The following FOXP2 variants were observed in gnomAD, a reference collection of about 807,000 sequenced individuals.
FOXP2 encodes forkhead box P2, also known as forkhead box protein P2.
A neutral mutation model predicts 115.8 loss-of-function variants in FOXP2; 12 were observed. The ratio of observed to expected loss-of-function variants is 0.10; its 90% CI spans 0.07 to 0.17. The LOEUF is 0.17. Among genes scored for constraint, FOXP2 ranks in the 10% least tolerant of loss-of-function variants. FOXP2 has a pLI of 1.00. For synonymous variants in FOXP2, 328 were observed against 297.7 expected (o/e 1.10, Z -1.05); for missense variants, 629 against 843.5 (o/e 0.75, Z 3.15).
intron 3 of FOXP2, among the ~76,000 whole-genome samples, chr7:114,620,287 G>A (rs1804177861): frequency 6.6e-6 from 1 of 152,034 alleles, no homozygotes; most frequent in Non-Finnish European, 1.5e-5. Flanking sequence ...GACAGAAGAT[G>A]CATGGAAGCA....
intron 2 of FOXP2, among the ~76,000 whole-genome samples, chr7:114,513,373 G>C (rs950199097): frequency 6.6e-6 from 1 of 152,150 alleles, no homozygotes; most frequent in East Asian, 1.9e-4. Context: ...TAATTAGTAA[G>C]GGTATCAAAA....
intron 2 of FOXP2, among the ~76,000 whole-genome samples, chr7:114,530,053 G>A (rs1270993979): frequency 1.4e-4 from 21 of 151,820 alleles, no homozygotes; most frequent in Admixed American, 1.4e-3. Context: ...AAAAATCTGG[G>A]TGTCCTGCTG....
chr7:114,281,388 A>C (rs1195823676), intron 1 of FOXP2, among the ~76,000 whole-genome samples: 1 of 152,048 alleles, frequency 6.6e-6, no homozygotes, highest in Non-Finnish European at 1.5e-5. Flanking sequence ...GGCATGAGCC[A>C]CCGTGCCTGG....
At chr7:114,249,227 T>C (rs901620933) in intron 1 of FOXP2, among the ~76,000 whole-genome samples, 1 of 152,156 alleles carries the variant, frequency 6.6e-6, no homozygotes, top group Non-Finnish European at 1.5e-5. Context: ...TTATTTTAAG[T>C]TCTGAGGTAC....
At chr7:114,365,230 A>T (rs547788419) in intron 2 of FOXP2, among the ~76,000 whole-genome samples, 6 of 152,138 alleles carry the variant, frequency 3.9e-5, no homozygotes, top group Non-Finnish European at 7.4e-5. Flanking sequence ...ATTTTGTAAG[A>T]GGTGACCTTA....
intron 1 of FOXP2, among the ~76,000 whole-genome samples, chr7:114,180,160 T>G (rs1283235997): frequency 6.6e-6 from 1 of 152,002 alleles, no homozygotes; most frequent in East Asian, 1.9e-4. Context: ...TAGACTGCTA[T>G]GCTTAACCAG....
chr7:114,662,219 C>T, intron 14 of FOXP2, 33 bp downstream of exon 14: 1 of 1,610,760 alleles, frequency 6.2e-7, no homozygotes, highest in Non-Finnish European at 8.5e-7. Flanking sequence ...ATCCTGTATC[C>T]TGCATCCACC....
chr7:114,225,237 A>G (rs10226428), intron 1 of FOXP2, among the ~76,000 whole-genome samples: 38 of 152,084 alleles, frequency 2.5e-4, no homozygotes, highest in African/African-American at 8.5e-4. Context: ...GTGATTGGAA[A>G]GGTGAGTTCC....
chr7:114,451,650 A>G (rs1344383281), intron 2 of FOXP2, among the ~76,000 whole-genome samples: 7 of 152,070 alleles, frequency 4.6e-5, no homozygotes, highest in Non-Finnish European at 1.0e-4. Context: ...CTTACAACTC[A>G]GTGATGGAGA....
At chr7:114,463,666 T>C (rs1584767556) in intron 2 of FOXP2, among the ~76,000 whole-genome samples, 1 of 152,332 alleles carries the variant, frequency 6.6e-6, no homozygotes, top group East Asian at 1.9e-4. Context: ...ACAATTAAAA[T>C]GCAAATCAAC....
At chr7:114,358,348 A>G (rs1210277628) in intron 2 of FOXP2, among the ~76,000 whole-genome samples, 1 of 152,180 alleles carries the variant, frequency 6.6e-6, no homozygotes, top group East Asian at 1.9e-4. Flanking sequence ...TCATAGCATT[A>G]TGAAAATGAA....
intron 3 of FOXP2, among the ~76,000 whole-genome samples, chr7:114,592,413 AT>A (rs1052838644): frequency 6.6e-6 from 1 of 151,784 alleles, no homozygotes; most frequent in African/African-American, 2.4e-5. Flanking sequence ...ATGAGCATAT[AT>A]TTTTTTTATT....
Position 114,148,725 on chromosome 7 carries a change from A to C in FOXP2, c.-246-14219A>C, listed in dbSNP as rs1322858937. Among the ~76,000 whole-genome samples, 5 of 152,330 alleles carry C rather than the reference A, an allele frequency of 3.3e-5. No individual in the cohort carries two copies. In the East Asian group the frequency reaches 9.6e-4, roughly 29 times the overall value. ...CATGGCTATCAATCACATATAATGA[A>C]GCCAGAAAACCTGGAAGTCATTTTC... is the stretch of plus-strand genomic sequence containing the variant. On this transcript the variant is annotated intron_variant, in intron 1 of 19. Transcript: ENST00000635638.
chr7:114,667,018 TG>T (rs1807198033), intron 16 of FOXP2: 1 of 152,194 alleles, frequency 6.6e-6, no homozygotes, highest in East Asian at 1.9e-4. Context: ...AAAATATTTT[TG>T]TATTTTGCAT....
chr7:114,662,267 G>A (rs879040290), intron 14 of FOXP2, 81 bp downstream of exon 14: 2 of 1,582,274 alleles, frequency 1.3e-6, no homozygotes, highest in East Asian at 2.3e-5. Flanking sequence ...CTGGGGTGGG[G>A]AGACAGTTAG....
At chr7:114,364,190 C>T (rs1285932957) in intron 2 of FOXP2, among the ~76,000 whole-genome samples, 2 of 152,108 alleles carry the variant, frequency 1.3e-5, no homozygotes, top group African/African-American at 4.8e-5. Flanking sequence ...AGGTTGGTGA[C>T]AGTGTTTCGG....
At chr7:114,120,524 G>A (rs1256058032) in intron 1 of FOXP2, among the ~76,000 whole-genome samples, 2 of 152,078 alleles carry the variant, frequency 1.3e-5, no homozygotes, top group Admixed American at 1.3e-4. Flanking sequence ...TAATCCATGT[G>A]AGCAAAATGA....
rs1584606200 is a variant in FOXP2 at position 114,283,289 on chromosome 7, T to C, written c.-101-4730T>C. On this transcript the variant is annotated intron_variant, in intron 1 of 17. Coordinates refer to the FOXP2 transcript ENST00000634411. ...TACAATATTAAAACAGTATTTAAAA[T>C]GTTAGTATAATTTTTCTGTTGAACA... is the stretch of plus-strand genomic sequence containing the variant. Among the ~76,000 whole-genome samples the C allele has an allele frequency of 2.0e-5, 3 of 152,218 alleles. No homozygotes were observed. In the East Asian group the frequency reaches 5.8e-4, roughly 29 times the overall value.
intron 1 of FOXP2, among the ~76,000 whole-genome samples, chr7:114,284,708 T>C (rs1415713751): frequency 1.3e-5 from 2 of 152,166 alleles, no homozygotes; most frequent in Non-Finnish European, 2.9e-5. Context: ...TGTTACTGGG[T>C]GTATACCCAA....
Sources: gnomAD v4.1 joint callset for allele counts (sites outside exome capture counted in the v4.1 genomes callset) on GRCh38, gnomAD v4.1.1 for gene constraint, MANE v1.5 for transcripts, NCBI Gene and HGNC (gene_info 2026-07-23, HGNC 2026-07-21) for gene names.